The following PER2 variants were observed in gnomAD, a reference collection of about 807,000 sequenced individuals.
The protein encoded by PER2 is period circadian regulator 2.
In PER2, 66 loss-of-function variants were observed where a neutral mutation model predicts 121.0. That is an observed-to-expected ratio of 0.55 (90% confidence interval 0.45 to 0.67). PER2 has a LOEUF of 0.67. Ranked by LOEUF, PER2 falls within the 30% of genes least tolerant of loss-of-function variation. The probability of loss-of-function intolerance (pLI) is 0.00; values close to 1 mark genes in which losing one functional copy is unlikely to be tolerated. For missense variants in PER2, 1,521 were observed against 1,635.0 expected, an observed-to-expected ratio of 0.93 and a Z score of 1.20; for synonymous variants, 684 against 659.9, an observed-to-expected ratio of 1.04 and a Z score of -0.56.
intron 16 of PER2, 73 bp from the exon 17 acceptor site, chr2:238,257,159 C>A: frequency 1.4e-6 from 2 of 1,420,006 alleles, no homozygotes; most frequent in Non-Finnish European, 1.9e-6. Context: ...AACCGACACC[C>A]AAGTGCCCAT....
chr2:238,261,367 G>A (rs977121630), intron 12 of PER2: 1 of 390,986 alleles, frequency 2.6e-6, no homozygotes, highest in Admixed American at 3.8e-5. Flanking sequence ...GGGACCTTGA[G>A]TACAATGTCC....
intron 2 of PER2, among the ~76,000 whole-genome samples, 177 bp from the exon 3 acceptor site, chr2:238,277,370 T>C (rs977564781): frequency 6.6e-6 from 1 of 152,110 alleles, no homozygotes; most frequent in Non-Finnish European, 1.5e-5. Flanking sequence ...AAAAACTAAG[T>C]ACCAGGACAC....
intron 1 of PER2, among the ~76,000 whole-genome samples, chr2:238,281,135 C>G (rs897428773): frequency 1.3e-5 from 2 of 152,000 alleles, no homozygotes; most frequent in African/African-American, 4.8e-5. Flanking sequence ...TCCCAAGTAG[C>G]TGGGATTACA....
At chr2:238,266,312 G>T (rs1696111500) in intron 8 of PER2, among the ~76,000 whole-genome samples, 2 of 150,916 alleles carry the variant, frequency 1.3e-5, no homozygotes, top group South Asian at 4.2e-4. Flanking sequence ...TAATGAGACA[G>T]GGTCTCACTA....
chr2:238,244,585 T>G lies in PER2; in HGVS notation c.*1790A>C, dbSNP rs1324953691. 2.0e-5 allele frequency: 3 copies of G among 152,262 alleles called. No homozygotes were observed. Among genetic ancestry groups the G allele is most frequent in the Non-Finnish European group, 4.4e-5 (3 of 68,044 alleles). The allele number at this position is 152,262 out of a possible 1,614,324, so 9.4% of individuals were successfully genotyped here. On this transcript the variant is annotated 3_prime_UTR_variant, in exon 23 of 23. Transcript: ENST00000254657. The stretch of plus-strand genomic sequence containing the variant: ...ATCTAATGGCCATAAGAATGCAGAC[T>G]GCTACCTTATCATAGGCATAGGCAG...
At position 238,252,271 on chromosome 2, in the gene PER2, T is replaced by C. The variant is rs1695626418; in HGVS notation, c.3112-510A>G. ...CTGGGAGAAGCTCCACAGATCTACATGCTTGCACTTCCTCACCCGGGAGCC... is the reference window on the plus strand; with the variant it reads ...CTGGGAGAAGCTCCACAGATCTACACGCTTGCACTTCCTCACCCGGGAGCC... On this transcript the variant is annotated intron_variant, in intron 19 of 22. Coordinates refer to ENST00000254657, the MANE Select transcript of PER2 (RefSeq NM_022817.3). This position sits in a 1 kb window ranked among gnomAD's most constrained non-coding sequence, Gnocchi z 4.2. 6.6e-6 allele frequency among the ~76,000 whole-genome samples: 1 copy of C among 152,254 alleles called. No individual in the cohort carries two copies. Among genetic ancestry groups the C allele is most frequent in the Non-Finnish European group, 1.5e-5 (1 of 67,988 alleles).
At position 238,245,988 on chromosome 2, in the gene PER2, A is replaced by G. The variant is rs1695436657; in HGVS notation, c.*387T>C. On this transcript the variant is annotated 3_prime_UTR_variant, in exon 23 of 23. Coordinates refer to ENST00000254657, the MANE Select transcript of PER2 (RefSeq NM_022817.3). ...TGATCTGATCCAAACACCCTGGGAA[A>G]GCTCTGGAAGCCAGAGTCCCCAGCT... 1 of 233,414 alleles carries G rather than the reference A, an allele frequency of 4.3e-6. No individual in the cohort carries two copies. Among genetic ancestry groups the G allele is most frequent in the African/African-American group, 2.2e-5 (1 of 44,826 alleles). 14.5% of individuals were successfully genotyped at this position (233,414 alleles called of 1,614,324 possible). A position where few individuals can be genotyped will look rare whatever the true frequency, so the allele number is the denominator to read the frequency against.
chr2:238,245,637 G>C lies in PER2; in HGVS notation c.*738C>G, dbSNP rs1398705471. ...CCATCATGGTCTGAAAAGGAGACAA[G>C]AATAATGCAGAAATATACAGAGGGT... On this transcript the variant is annotated 3_prime_UTR_variant, in exon 23 of 23. Coordinates refer to ENST00000254657, the MANE Select transcript of PER2 (RefSeq NM_022817.3). 1 of 398,522 alleles carries C rather than the reference G, an allele frequency of 2.5e-6. No individual in the cohort carries two copies. Among genetic ancestry groups the C allele is most frequent in the Non-Finnish European group, 4.4e-6 (1 of 226,078 alleles). The allele number at this position is 398,522 out of a possible 1,614,324, so 24.7% of individuals were successfully genotyped here.
At chr2:238,280,072 C>T (rs184808978) in intron 1 of PER2, among the ~76,000 whole-genome samples, 3 of 152,304 alleles carry the variant, frequency 2.0e-5, no homozygotes, top group African/African-American at 4.8e-5. Flanking sequence ...CTCCTGGAGA[C>T]GCTTCACCCA....
chr2:238,285,035 T>G (rs1458575023), intron 1 of PER2, among the ~76,000 whole-genome samples: 2 of 151,990 alleles, frequency 1.3e-5, no homozygotes, highest in African/African-American at 4.8e-5. Flanking sequence ...AGGGTGGGCA[T>G]GCACTTATGT....
chr2:238,291,192 T>C (rs1172621459), upstream of PER2, among the ~76,000 whole-genome samples: 2 of 152,178 alleles, frequency 1.3e-5, no homozygotes, highest in African/African-American at 4.8e-5. Flanking sequence ...CCCACCTACC[T>C]TGGGAATGCT....
At chr2:238,276,307 T>A (rs1219724190) in intron 3 of PER2, among the ~76,000 whole-genome samples, 3 of 152,206 alleles carry the variant, frequency 2.0e-5, no homozygotes, top group African/African-American at 7.2e-5. Flanking sequence ...CAACAGACAT[T>A]GCCAGATGTT....
intron 16 of PER2, among the ~76,000 whole-genome samples, chr2:238,258,037 A>C (rs892198850): frequency 6.6e-6 from 1 of 152,220 alleles, no homozygotes; most frequent in African/African-American, 2.4e-5. Flanking sequence ...GAGGGGGGTC[A>C]GGGGACGGCC....
chr2:238,260,261 T>C (rs1695887408), intron 13 of PER2, among the ~76,000 whole-genome samples: 1 of 139,164 alleles, frequency 7.2e-6, no homozygotes, highest in East Asian at 2.0e-4. Flanking sequence ...CACATTACAT[T>C]TTTTTTTTTT....
rs377688231 is a variant in PER2 at position 238,265,686 on chromosome 2, T to C, written c.968-96A>G. ...CAGAAAACACCCTGTAGATTCAGAG[T>C]AATGAGCAGCTAAAGAAAAAAATTA... is the stretch of plus-strand genomic sequence containing the variant. On this transcript the variant is annotated intron_variant, in intron 8 of 22. Transcript: ENST00000254657. 7 of 800,572 alleles carry C rather than the reference T, an allele frequency of 8.7e-6. No individual in the cohort carries two copies. The African/African-American group carries it at 1.2e-4, about 14-fold the overall frequency. 49.6% of individuals were successfully genotyped at this position (800,572 alleles called of 1,614,324 possible).
At chr2:238,276,112 G>A (rs998419986) in intron 3 of PER2, among the ~76,000 whole-genome samples, 3 of 132,846 alleles carry the variant, frequency 2.3e-5, no homozygotes, top group African/African-American at 6.1e-5. Flanking sequence ...TCTCAGCCTC[G>A]GCTCTAGAGA....
At chr2:238,284,877 T>C (rs539425312) in intron 1 of PER2, among the ~76,000 whole-genome samples, 2 of 152,354 alleles carry the variant, frequency 1.3e-5, no homozygotes, top group South Asian at 4.1e-4. Context: ...ACCAGCCTCA[T>C]TTTGAGAAGC....
At chr2:238,274,137 T>C (rs942334340) in intron 4 of PER2, among the ~76,000 whole-genome samples, 9 of 152,176 alleles carry the variant, frequency 5.9e-5, no homozygotes, top group African/African-American at 1.7e-4. Flanking sequence ...GTTTTCAAAA[T>C]AGAATCTGAA....
chr2:238,245,660 G>T lies in PER2; in HGVS notation c.*715C>A, dbSNP rs1176120493. 2.5e-6 allele frequency: 1 copy of T among 398,500 alleles called. No individual in the cohort carries two copies. The highest frequency in any genetic ancestry group is 1.3e-4 in the South Asian group (1 of 7,846). The allele number at this position is 398,500 out of a possible 1,614,324, so 24.7% of individuals were successfully genotyped here. On this transcript the variant is annotated 3_prime_UTR_variant, in exon 23 of 23. Transcript: ENST00000254657. ...AAGAATAATGCAGAAATATACAGAG[G>T]GTCTGTCTGCGTGTGCATTCATCCG...
Sources: gnomAD v4.1 joint callset for allele counts (sites outside exome capture counted in the v4.1 genomes callset) on GRCh38, gnomAD v4.1.1 for gene constraint, Gnocchi (gnomAD v3.1) non-coding constraint, MANE v1.5 for transcripts, NCBI Gene and HGNC (gene_info 2026-07-23, HGNC 2026-07-21) for gene names.